CDC7: variants seen among roughly 807,000 people sequenced by gnomAD.
CDC7 encodes the protein cell division cycle 7.
In CDC7, 34 loss-of-function variants were observed where a neutral mutation model predicts 53.5. That is an observed-to-expected ratio of 0.64 (90% CI 0.48 to 0.85). The LOEUF (loss-of-function observed/expected upper bound fraction) is 0.85, where lower values mean the gene tolerates loss of function less well. Among genes scored for constraint, CDC7 ranks in the 40% least tolerant of loss-of-function variants. The pLI is 0.00. For synonymous variants in CDC7, 211 were observed against 222.8 expected (o/e 0.95, Z 0.47); for missense variants, 594 against 679.7 (o/e 0.87, Z 1.40).
At chr1:91,521,670 C>T (rs898019007) in intron 11 of CDC7, among the ~76,000 whole-genome samples, 1 of 152,104 alleles carries the variant, frequency 6.6e-6, no homozygotes, top group Non-Finnish European at 1.5e-5. Flanking sequence ...TGAATAACTT[C>T]GTGAGAGGTT....
At chr1:91,518,435 T>C (rs983989234) in intron 10 of CDC7, among the ~76,000 whole-genome samples, 1 of 152,182 alleles carries the variant, frequency 6.6e-6, no homozygotes, top group African/African-American at 2.4e-5. Context: ...GTATCTGCAC[T>C]CCCATGTTTG....
chr1:91,504,395 C>T (rs1666872903), intron 2 of CDC7, among the ~76,000 whole-genome samples: 1 of 152,170 alleles, frequency 6.6e-6, no homozygotes, highest in Non-Finnish European at 1.5e-5. Flanking sequence ...AGGTGTGAGC[C>T]ACCATGCCTG....
At position 91,525,299 on chromosome 1, in the gene CDC7, G is replaced by C. The variant is rs949868824; in HGVS notation, c.*864G>C. 1 of 152,042 alleles carries C rather than the reference G, an allele frequency of 6.6e-6. No individual in the cohort carries two copies. Among genetic ancestry groups the C allele is most frequent in the Non-Finnish European group, 1.5e-5 (1 of 67,980 alleles). The allele number at this position is 152,042 out of a possible 1,614,324, so 9.4% of individuals were successfully genotyped here. ...TTTCACACCATCTTAGATATAATTAGGTAGCTGCTGAAAGGAAAAGTGAAT... is the reference window on the plus strand; with the variant it reads ...TTTCACACCATCTTAGATATAATTACGTAGCTGCTGAAAGGAAAAGTGAAT... On this transcript the variant is annotated 3_prime_UTR_variant, in exon 12 of 12. Coordinates refer to ENST00000234626, the MANE Select transcript of CDC7 (RefSeq NM_003503.4).
At chr1:91,513,402 A>G (rs1277608360) in intron 7 of CDC7, 95 bp downstream of exon 7, 3 of 1,151,430 alleles carry the variant, frequency 2.6e-6, no homozygotes, top group African/African-American at 1.6e-5. Flanking sequence ...TAGTACTTAT[A>G]ATTTAAAAAA....
At chr1:91,506,575 G>A (rs1666999565) in intron 2 of CDC7, among the ~76,000 whole-genome samples, 1 of 152,098 alleles carries the variant, frequency 6.6e-6, no homozygotes, top group South Asian at 2.1e-4. Flanking sequence ...ACTAGACCAA[G>A]CTCTTAGTGG....
chr1:91,506,083 T>C (rs1264532781), intron 2 of CDC7, among the ~76,000 whole-genome samples: 1 of 152,132 alleles, frequency 6.6e-6, no homozygotes, highest in Non-Finnish European at 1.5e-5. Context: ...GATCATAGTT[T>C]AGTAACCTCA....
intron 2 of CDC7, among the ~76,000 whole-genome samples, chr1:91,503,179 G>T (rs1257604369): frequency 6.6e-6 from 1 of 152,130 alleles, no homozygotes; most frequent in East Asian, 1.9e-4. Context: ...CTGAAAATCT[G>T]CTGGGAAGTA....
In CDC7 at chr1:91,525,255, T is replaced by A. The variant is rs1053443018; in HGVS notation, c.*820T>A. The A allele has an allele frequency of 6.6e-6, 1 of 152,128 alleles. No homozygotes were observed. Among genetic ancestry groups the A allele is most frequent in the Non-Finnish European group, 1.5e-5 (1 of 67,986 alleles). The allele number at this position is 152,128 out of a possible 1,614,324, so 9.4% of individuals were successfully genotyped here. ...AAGATTGATAGTCCAAATGCTTTTC[T>A]TTTTTGAGTTGTATATTTTTTCACA... On this transcript the variant is annotated 3_prime_UTR_variant, in exon 12 of 12. Transcript: ENST00000234626.
intron 10 of CDC7, among the ~76,000 whole-genome samples, chr1:91,518,863 C>T (rs539841493): frequency 1.3e-5 from 2 of 152,052 alleles, no homozygotes; most frequent in Admixed American, 1.3e-4. Flanking sequence ...CACTCGAGAC[C>T]AGCTTGGGCA....
intron 11 of CDC7, 31 bp downstream of exon 11, chr1:91,520,310 A>G: frequency 6.7e-7 from 1 of 1,500,124 alleles, no homozygotes; most frequent in Non-Finnish European, 8.9e-7. Context: ...GAACCAAACA[A>G]AATGCCTTTG....
At chr1:91,519,061 GAAAA>G (rs567313615) in intron 10 of CDC7, among the ~76,000 whole-genome samples, 1 of 112,280 alleles carries the variant, frequency 8.9e-6, no homozygotes, top group Non-Finnish European at 1.9e-5. Context: ...ACCCCATCTC[GAAAA>G]AAAAAAAAAA....
In CDC7 at chr1:91,514,884, T is replaced by C; in HGVS notation, c.984T>C (p.Ile328=). ...SRKLATKKKA[I]STKVMNSAVM... is the part of the protein sequence containing the mutation. ...AGTTAGCAACAAAAAAGAAGGCTAT[T>C]TCTACAAAAGTTATGAATAGTGCTG... Residue 328 remains isoleucine, a synonymous_variant, in exon 9 of 12, where the codon ATT becomes ATC. Coordinates refer to ENST00000234626, the MANE Select transcript of CDC7 (RefSeq NM_003503.4). 6.2e-7 allele frequency: 1 copy of C among 1,613,616 alleles called. No individual in the cohort carries two copies. Among genetic ancestry groups the C allele is most frequent in the Non-Finnish European group, 8.5e-7 (1 of 1,179,646 alleles).
chr1:91,505,506 A>G (rs1302283487), intron 2 of CDC7, among the ~76,000 whole-genome samples: 2 of 152,244 alleles, frequency 1.3e-5, no homozygotes, highest in Non-Finnish European at 2.9e-5. Context: ...ACTTGGATAT[A>G]TTATGCAGCA....
chr1:91,519,497 G>T (rs1667798507), intron 10 of CDC7, among the ~76,000 whole-genome samples: 1 of 152,006 alleles, frequency 6.6e-6, no homozygotes, highest in Admixed American at 6.6e-5. Context: ...TGAGGGAATG[G>T]ATACCCTGTT....
intron 1 of CDC7, 56 bp downstream of exon 1, chr1:91,501,004 T>C (rs1666627054): frequency 6.6e-6 from 1 of 152,290 alleles, no homozygotes; most frequent in Non-Finnish European, 1.5e-5. Flanking sequence ...TAGGAACGAA[T>C]TCTGGATCGT....
At chr1:91,507,573 A>G (rs1252451896) in intron 2 of CDC7, among the ~76,000 whole-genome samples, 1 of 151,690 alleles carries the variant, frequency 6.6e-6, no homozygotes, top group Non-Finnish European at 1.5e-5. Context: ...GTGCTTTTTC[A>G]TGTTGTAATC....
chr1:91,524,417 T>A lies in CDC7; in HGVS notation c.1707T>A (p.Phe569Leu), dbSNP rs531153642. The change falls in exon 12 of 12, where the codon TTT (phenylalanine) becomes TTA (leucine). Residue 569 changes from phenylalanine to leucine, a missense_variant. Physicochemically the swap from Phe to Leu is conservative, Grantham distance 22. Transcript: ENST00000234626. ...TAEEALLHPF[F>L]KDMSL ...AAGAAGCTTTGTTGCATCCATTTTTTAAAGATATGAGCTTGTGATAATGGA... is the reference window on the plus strand; with the variant it reads ...AAGAAGCTTTGTTGCATCCATTTTTAAAAGATATGAGCTTGTGATAATGGA... 5 of 1,607,520 alleles carry A rather than the reference T, an allele frequency of 3.1e-6. No homozygotes were observed. In the African/African-American group the frequency reaches 6.7e-5, roughly 21 times the overall value.
intron 8 of CDC7, 112 bp from the exon 9 acceptor site, chr1:91,514,707 C>T (rs1667465347): frequency 2.8e-6 from 2 of 719,918 alleles, no homozygotes; most frequent in South Asian, 4.8e-5. Context: ...GTCCAATAGC[C>T]ATTCAGCAGT....
intron 11 of CDC7, among the ~76,000 whole-genome samples, chr1:91,520,759 T>G (rs1667897979): frequency 6.6e-6 from 1 of 152,216 alleles, no homozygotes; most frequent in African/African-American, 2.4e-5. Context: ...TAATAAGGAC[T>G]AGGGAAGAGA....
Sources: gnomAD v4.1 joint callset for allele counts (sites outside exome capture counted in the v4.1 genomes callset) on GRCh38, gnomAD v4.1.1 for gene constraint, MANE v1.5 for transcripts, NCBI Gene and HGNC (gene_info 2026-07-23, HGNC 2026-07-21) for gene names.